Variants in PHLDB2 observed in about 807,000 individuals in gnomAD.
The protein encoded by PHLDB2 is pleckstrin homology like domain family B member 2, also known as pleckstrin homology-like domain family B member 2.
In PHLDB2, 71 loss-of-function variants were observed where a neutral mutation model predicts 123.6. That is an observed-to-expected ratio of 0.57 (90% CI 0.47 to 0.70). The LOEUF is 0.70. Ranked by LOEUF, PHLDB2 falls within the 30% of genes least tolerant of loss-of-function variation. The probability of loss-of-function intolerance (pLI) is 0.00; values close to 1 mark genes in which losing one functional copy is unlikely to be tolerated. For synonymous variants in PHLDB2, 547 were observed against 541.6 expected, an observed-to-expected ratio of 1.01 and a Z score of -0.14; for missense variants, 1,446 against 1,519.5, an observed-to-expected ratio of 0.95 and a Z score of 0.80.
intron 5 of PHLDB2, among the ~76,000 whole-genome samples, chr3:111,922,624 G>A (rs1181237744): frequency 6.6e-6 from 1 of 152,194 alleles, no homozygotes; most frequent in African/African-American, 2.4e-5. Flanking sequence ...GAGGATGTGG[G>A]AAGTGGAAAC....
rs1287508953 is a variant in PHLDB2 at position 111,913,634 on chromosome 3, C to T, written c.1651C>T (p.Pro551Ser). 3.7e-6 allele frequency: 6 copies of T among 1,613,956 alleles called. No individual in the cohort carries two copies. Among genetic ancestry groups the T allele is most frequent in the Admixed American group, 3.3e-5 (2 of 60,004 alleles). ...DELLSDLTRT[P>S]PPPSSTFPKA... ...ACTACTCAGTGACCTCACCCGGACT[C>T]CTCCACCACCATCCTCCACCTTTCC... is the stretch of plus-strand genomic sequence containing the variant. The change falls in exon 3 of 18, where the codon CCT becomes TCT. Residue 551 changes from proline (P) to serine (S), a missense_variant. Around this residue, in one of 3 missense-constraint regions of PHLDB2, gnomAD observed 832 missense variants for 831.9 expected, o/e 1.00. Transcript: ENST00000431670.
rs1033029868 is a variant in PHLDB2 at position 111,831,022 on chromosome 3, A to G, written c.-48-14799A>G. Among the ~76,000 whole-genome samples, 718 of 111,362 alleles carry G rather than the reference A, an allele frequency of 6.4e-3. 51 individuals are homozygous for G. The highest frequency in any genetic ancestry group is 0.022 in the African/African-American group (588 of 26,270). 73.1% of individuals were successfully genotyped at this position (111,362 alleles called of 152,430 possible). On this transcript the variant is annotated intron_variant, in intron 1 of 17. Coordinates refer to the PHLDB2 transcript ENST00000393923. ...GAAAGAAAGAAAGAAAGAAAGAAAGAAAGAAAGAAAGGAAGGAAGGAAGAA... is the reference window on the plus strand; with the variant it reads ...GAAAGAAAGAAAGAAAGAAAGAAAGGAAGAAAGAAAGGAAGGAAGGAAGAA...
chr3:111,926,866 A>G (rs2068840208), intron 5 of PHLDB2, among the ~76,000 whole-genome samples: 1 of 152,212 alleles, frequency 6.6e-6, no homozygotes, highest in Non-Finnish European at 1.5e-5. Context: ...ATTAGAGGGT[A>G]CTGCTCCAAA....
intron 2 of PHLDB2, among the ~76,000 whole-genome samples, chr3:111,899,787 T>G (rs1244086299): frequency 6.6e-6 from 1 of 152,132 alleles, no homozygotes; most frequent in Non-Finnish European, 1.5e-5. Flanking sequence ...TCTACGTTGT[T>G]TGTTTGTTGA....
intron 2 of PHLDB2, chr3:111,885,737 ACTAT>A (rs2066129533): frequency 6.6e-6 from 4 of 608,954 alleles, no homozygotes. Flanking sequence ...TCTCTTTAAG[ACTAT>A]GAGGAAATGC....
chr3:111,817,708 G>C (rs571591869), intron 1 of PHLDB2, among the ~76,000 whole-genome samples: 1 of 152,122 alleles, frequency 6.6e-6, no homozygotes, highest in Non-Finnish European at 1.5e-5. Flanking sequence ...ATAGCCCAGC[G>C]TATGAAAATA....
chr3:111,869,761 G>A (rs1295097244), intron 1 of PHLDB2, among the ~76,000 whole-genome samples: 1 of 152,122 alleles, frequency 6.6e-6, no homozygotes, highest in Non-Finnish European at 1.5e-5. Flanking sequence ...ACAGCTGCCT[G>A]TTGTAATAGG....
chr3:111,732,562 T>C, exon 1 of PHLDB2: 2 of 1,440,124 alleles, frequency 1.4e-6, no homozygotes, highest in South Asian at 1.2e-5. Context: ...ACCTTCATGC[T>C]TGGGGAAAAG....
intron 8 of PHLDB2, 75 bp downstream of exon 8, chr3:111,940,720 T>G: frequency 1.3e-6 from 1 of 740,922 alleles, no homozygotes; most frequent in Non-Finnish European, 2.1e-6. Flanking sequence ...CCCTTTAAAG[T>G]AAACACCTTT....
At chr3:111,878,116 G>A (rs573107148) in intron 1 of PHLDB2, among the ~76,000 whole-genome samples, 39 of 152,298 alleles carry the variant, frequency 2.6e-4, no homozygotes, top group African/African-American at 9.4e-4. Flanking sequence ...GATGGGAATA[G>A]CATTGAATCT....
At position 111,893,300 on chromosome 3, in the gene PHLDB2, G is replaced by A. The variant is rs193227434; in HGVS notation, c.1335+7888G>A. Among the ~76,000 whole-genome samples, 14 of 149,072 alleles carry A rather than the reference G, an allele frequency of 9.4e-5. No individual in the cohort carries two copies. In the East Asian group the frequency reaches 2.6e-3, roughly 27 times the overall value. On this transcript the variant is annotated intron_variant, in intron 2 of 17. Transcript: ENST00000431670. ...AAACTTAAGTATTGAAAACTATTTT[G>A]TCCTCCAGTCTTACTTGAATCTCCT...
intron 1 of PHLDB2, among the ~76,000 whole-genome samples, chr3:111,745,804 A>C: frequency 1.9e-5 from 1 of 52,876 alleles, no homozygotes; most frequent in South Asian, 9.6e-4. Context: ...GAAAAGAGAA[A>C]GAAAGAAGAA....
chr3:111,922,313 G>A (rs1277475260), intron 5 of PHLDB2, among the ~76,000 whole-genome samples: 1 of 152,198 alleles, frequency 6.6e-6, no homozygotes, highest in Non-Finnish European at 1.5e-5. Flanking sequence ...GAAGCAAGTT[G>A]AGCCAATGTT....
intron 1 of PHLDB2, among the ~76,000 whole-genome samples, chr3:111,748,627 T>C (rs540895331): frequency 6.6e-5 from 10 of 152,144 alleles, no homozygotes; most frequent in Non-Finnish European, 1.0e-4. Context: ...GTTCGAGCGA[T>C]TCTCTTGCCT....
intron 12 of PHLDB2, chr3:111,958,212 A>T (rs1459973260): frequency 4.2e-6 from 4 of 945,602 alleles, no homozygotes; most frequent in Non-Finnish European, 5.0e-6. Flanking sequence ...TTCTACAATC[A>T]TTCTCCCTCT....
chr3:111,857,190 A>C (rs2064550144), upstream of PHLDB2, among the ~76,000 whole-genome samples: 1 of 152,092 alleles, frequency 6.6e-6, no homozygotes. Context: ...AGTGGCTCAC[A>C]CCTGTCATCC....
chr3:111,793,024 A>G (rs1360364766), intron 1 of PHLDB2, among the ~76,000 whole-genome samples: 1 of 152,206 alleles, frequency 6.6e-6, no homozygotes, highest in Non-Finnish European at 1.5e-5. Context: ...CCCAAGGCCC[A>G]TGGCGACCAC....
At chr3:111,755,486 T>A (rs2059869799) in intron 1 of PHLDB2, among the ~76,000 whole-genome samples, 1 of 141,560 alleles carries the variant, frequency 7.1e-6, no homozygotes, top group South Asian at 2.4e-4. Context: ...TTCTGTGGGA[T>A]CGGTGGTGAT....
intron 1 of PHLDB2, among the ~76,000 whole-genome samples, chr3:111,771,809 C>T (rs955711379): frequency 6.6e-6 from 1 of 152,194 alleles, no homozygotes; most frequent in Non-Finnish European, 1.5e-5. Flanking sequence ...TTCACAGGTA[C>T]TGGAGGTTAG....
Sources: allele counts gnomAD v4.1 joint callset (sites outside exome capture counted in the v4.1 genomes callset), GRCh38; gene constraint gnomAD v4.1.1; regional missense constraint gnomAD v4.1.1; transcripts MANE v1.5; gene names NCBI Gene and HGNC (gene_info 2026-07-23, HGNC 2026-07-21).